The following ATF1 variants were observed in gnomAD, a reference collection of about 807,000 sequenced individuals.
The protein encoded by ATF1 is activating transcription factor 1, also known as cyclic AMP-dependent transcription factor ATF-1.
In ATF1, 16 loss-of-function variants were observed where a neutral mutation model predicts 34.7. The ratio of observed to expected loss-of-function variants is 0.46; its 90% CI spans 0.31 to 0.70. The LOEUF (loss-of-function observed/expected upper bound fraction) is 0.70. ATF1 is among the 30% of genes least tolerant of loss of function. The pLI is 0.05. For missense variants in ATF1, 255 were observed against 321.6 expected (o/e 0.79, Z 1.58); for synonymous variants, 105 against 113.1 (o/e 0.93, Z 0.46).
intron 2 of ATF1, among the ~76,000 whole-genome samples, chr12:50,784,457 A>T (rs895439147): frequency 1.3e-5 from 2 of 152,160 alleles, no homozygotes; most frequent in African/African-American, 4.8e-5. Context: ...CAGTTGTAAA[A>T]CTGTGAGACT....
intron 3 of ATF1, among the ~76,000 whole-genome samples, chr12:50,798,137 A>C (rs961042647): frequency 6.6e-6 from 1 of 151,736 alleles, no homozygotes. Context: ...TGACAGAGTG[A>C]GACTCCATCT....
intron 6 of ATF1, among the ~76,000 whole-genome samples, chr12:50,814,983 G>A (rs971060643): frequency 5.9e-5 from 9 of 152,068 alleles, no homozygotes; most frequent in South Asian, 2.1e-4. Context: ...TTAGCTGGGC[G>A]TGGTGGCGGG....
At chr12:50,815,679 C>T (rs909262989) in intron 6 of ATF1, among the ~76,000 whole-genome samples, 32 of 152,060 alleles carry the variant, frequency 2.1e-4, no homozygotes, top group African/African-American at 7.5e-4. Flanking sequence ...GCATGAACCA[C>T]TGCACCCAGC....
intron 1 of ATF1, among the ~76,000 whole-genome samples, chr12:50,776,493 T>TA (rs771176201): frequency 0.053 from 6,208 of 116,832 alleles, 499 homozygotes; most frequent in African/African-American, 0.17. Context: ...ACCCTGTCTT[T>TA]AAAAAAAAAA....
chr12:50,814,893 G>A (rs1418610517), intron 6 of ATF1, among the ~76,000 whole-genome samples: 3 of 150,918 alleles, frequency 2.0e-5, no homozygotes, highest in East Asian at 1.9e-4. Flanking sequence ...CAGCTGAGGC[G>A]GGCAGATCAC....
intron 2 of ATF1, among the ~76,000 whole-genome samples, chr12:50,792,577 C>A (rs1941327999): frequency 6.8e-6 from 1 of 146,838 alleles, no homozygotes; most frequent in South Asian, 2.2e-4. Context: ...TACCCTGAGT[C>A]TTCAGATACA....
intron 1 of ATF1, among the ~76,000 whole-genome samples, chr12:50,777,627 C>T (rs372447186): frequency 9.2e-5 from 14 of 151,748 alleles, no homozygotes; most frequent in Admixed American, 7.2e-4. Context: ...AAGACCCCCC[C>T]CAAATTAACA....
At chr12:50,819,571 A>G (rs911593811) in intron 6 of ATF1, 64 bp from the exon 7 acceptor site, 21 of 1,554,178 alleles carry the variant, frequency 1.4e-5, no homozygotes, top group Middle Eastern at 4.5e-4. Context: ...ATTACTGAAG[A>G]ACATTTACCA....
chr12:50,785,260 CA>C (rs971276260), intron 2 of ATF1, among the ~76,000 whole-genome samples: 3 of 141,552 alleles, frequency 2.1e-5, no homozygotes, highest in Non-Finnish European at 4.6e-5. Flanking sequence ...CACCCCATCT[CA>C]AAAAAAAAAT....
intron 2 of ATF1, among the ~76,000 whole-genome samples, chr12:50,780,661 A>AC (rs1402614682): frequency 6.6e-6 from 1 of 151,650 alleles, no homozygotes; most frequent in Non-Finnish European, 1.5e-5. Flanking sequence ...TTAAAAAAAA[A>AC]AAAAAACAAA....
chr12:50,777,441 C>T (rs6580767), intron 1 of ATF1, among the ~76,000 whole-genome samples: 139,259 of 152,222 alleles, frequency 0.91, 64,215 homozygotes, highest in Non-Finnish European at 0.98. Context: ...TCATGCTTTT[C>T]TCCATTGACT....
At chr12:50,772,996 A>T (rs1193643436) in intron 1 of ATF1, among the ~76,000 whole-genome samples, 2 of 151,696 alleles carry the variant, frequency 1.3e-5, no homozygotes, top group Non-Finnish European at 2.9e-5. Flanking sequence ...TTCAGCTCCT[A>T]CTTATAAGTG....
intron 6 of ATF1, among the ~76,000 whole-genome samples, chr12:50,814,892 C>CG (rs924176769): frequency 6.8e-6 from 1 of 148,054 alleles, no homozygotes; most frequent in African/African-American, 2.5e-5. Flanking sequence ...CCAGCTGAGG[C>CG]GGGCAGATCA....
intron 2 of ATF1, among the ~76,000 whole-genome samples, chr12:50,790,846 G>T (rs76286792): frequency 0.017 from 2,617 of 151,942 alleles, 80 homozygotes; most frequent in African/African-American, 0.06. Context: ...ACATTTACAG[G>T]CCCAAAGAAA....
Position 50,780,253 on chromosome 12 carries a change from G to A in ATF1, c.93+15G>A. 6.4e-7 allele frequency: 1 copy of A among 1,562,750 alleles called. No homozygotes were observed. The highest frequency in any genetic ancestry group is 8.8e-7 in the Non-Finnish European group (1 of 1,136,166). The stretch of plus-strand genomic sequence containing the variant: ...TTGCTCAACAGGTAAGGGAGGGACT[G>A]GCCAAAATACTGAGCTTGTTAGGAA... On this transcript the variant is annotated intron_variant, in intron 2 of 6. Transcript: ENST00000262053.
At chr12:50,793,969 G>T (rs1218472608) in intron 2 of ATF1, among the ~76,000 whole-genome samples, 1 of 150,780 alleles carries the variant, frequency 6.6e-6, no homozygotes, top group Non-Finnish European at 1.5e-5. Flanking sequence ...TATTTTTTTT[G>T]AGCGGGAGCC....
chr12:50,810,075 C>T (rs1467584773), intron 4 of ATF1, among the ~76,000 whole-genome samples: 2 of 151,822 alleles, frequency 1.3e-5, no homozygotes, highest in East Asian at 1.9e-4. Context: ...TCAGGTGATC[C>T]GTCCACCTTG....
intron 2 of ATF1, among the ~76,000 whole-genome samples, chr12:50,792,457 G>A (rs1176674692): frequency 6.6e-6 from 1 of 152,178 alleles, no homozygotes; most frequent in South Asian, 2.1e-4. Flanking sequence ...TGGAGAGCAA[G>A]TACAGATTCA....
chr12:50,818,818 C>A (rs1336058871), intron 6 of ATF1, among the ~76,000 whole-genome samples: 1 of 152,210 alleles, frequency 6.6e-6, no homozygotes, highest in African/African-American at 2.4e-5. Context: ...GTTGGCCAGG[C>A]TGGTCTCGAA....
Sources: allele counts gnomAD v4.1 joint callset (sites outside exome capture counted in the v4.1 genomes callset), GRCh38; gene constraint gnomAD v4.1.1; transcripts MANE v1.5; gene names NCBI Gene and HGNC (gene_info 2026-07-23, HGNC 2026-07-21).